Variants in KHDRBS2 observed in about 807,000 individuals in gnomAD.
KHDRBS2 encodes the protein KH domain-containing, RNA-binding, signal transduction-associated protein 2.
In KHDRBS2, 26 loss-of-function variants were observed where a neutral mutation model predicts 44.3. The observed-to-expected ratio is 0.59, with a 90% confidence interval of 0.43 to 0.81. The LOEUF (loss-of-function observed/expected upper bound fraction) is 0.81, where lower values mean the gene tolerates loss of function less well. Among genes scored for constraint, KHDRBS2 ranks in the 40% least tolerant of loss-of-function variants. The probability of loss-of-function intolerance (pLI) is 0.00; values close to 1 mark genes in which losing one functional copy is unlikely to be tolerated. For missense variants in KHDRBS2, 476 were observed against 433.1 expected, an observed-to-expected ratio of 1.10 and a Z score of -0.88; for synonymous variants, 194 against 151.1, an observed-to-expected ratio of 1.28 and a Z score of -2.08.
At chr6:61,678,446 T>G (rs558778168), downstream of KHDRBS2, among the ~76,000 whole-genome samples, 63 of 152,094 alleles carry the variant, frequency 4.1e-4, no homozygotes, top group African/African-American at 1.4e-3. Context: ...TAATGTTTAG[T>G]TATTTTATTT....
At chr6:61,978,595 A>T (rs765040694) in intron 3 of KHDRBS2, among the ~76,000 whole-genome samples, 3 of 152,100 alleles carry the variant, frequency 2.0e-5, no homozygotes, top group Non-Finnish European at 4.4e-5. Context: ...TAAGTGAAAG[A>T]TTATCACTGT....
At chr6:62,121,693 G>C (rs996121664) in intron 2 of KHDRBS2, among the ~76,000 whole-genome samples, 3 of 152,142 alleles carry the variant, frequency 2.0e-5, no homozygotes, top group African/African-American at 7.2e-5. Flanking sequence ...TGTTTGCAGA[G>C]ATCTTGATCA....
chr6:62,265,915 T>G (rs1839130623), intron 1 of KHDRBS2, among the ~76,000 whole-genome samples: 1 of 152,088 alleles, frequency 6.6e-6, no homozygotes, highest in Admixed American at 6.6e-5. Flanking sequence ...AAGTGGTGAT[T>G]TGTAATATGG....
intron 4 of KHDRBS2, among the ~76,000 whole-genome samples, chr6:61,902,003 T>A (rs560574646): frequency 2.5e-4 from 38 of 152,318 alleles, no homozygotes; most frequent in Admixed American, 1.8e-3. Flanking sequence ...TCGCCCACGC[T>A]GGAGTACAGT....
At chr6:61,907,639 C>G (rs577784928) in intron 4 of KHDRBS2, among the ~76,000 whole-genome samples, 1 of 152,098 alleles carries the variant, frequency 6.6e-6, no homozygotes, top group South Asian at 2.1e-4. Flanking sequence ...ATCCAGTTTT[C>G]CCAGCAACAT....
At chr6:61,556,003 C>G in the KHDRBS2 span, among the ~76,000 whole-genome samples, 282 of 152,282 alleles carry the variant, frequency 1.9e-3, 1 homozygote, top group African/African-American at 6.0e-3. Context: ...TTTGCACATG[C>G]CAGCTGCAGT....
chr6:62,063,605 A>T (rs1792669393), intron 2 of KHDRBS2, among the ~76,000 whole-genome samples: 1 of 151,488 alleles, frequency 6.6e-6, no homozygotes, highest in Non-Finnish European at 1.5e-5. Context: ...ACTCTCAATA[A>T]ATTAGGTATT....
At chr6:62,050,758 A>T (rs571132100) in intron 2 of KHDRBS2, among the ~76,000 whole-genome samples, 1 of 152,154 alleles carries the variant, frequency 6.6e-6, no homozygotes, top group African/African-American at 2.4e-5. Context: ...TTAAACTTAC[A>T]GTTCCACTAT....
rs1344616758 is a variant in KHDRBS2, at chr6:61,954,786, A to G, written c.483+23280T>C. Among the ~76,000 whole-genome samples the G allele has an allele frequency of 1.8e-5, 2 of 112,634 alleles. 1 individual carries two copies. The highest frequency in any genetic ancestry group is 3.8e-5 in the Non-Finnish European group (2 of 52,802). The allele number at this position is 112,634 out of a possible 152,430, so 73.9% of individuals were successfully genotyped here. On this transcript the variant is annotated intron_variant, in intron 4 of 8. Transcript: ENST00000281156. ...TATGTATACATACATATGTGTATAT[A>G]CACATGCATATGTATGTATACATAC...
At chr6:61,558,392 T>C in the KHDRBS2 span, among the ~76,000 whole-genome samples, 1 of 151,830 alleles carries the variant, frequency 6.6e-6, no homozygotes, top group Non-Finnish European at 1.5e-5. Context: ...CAAAACCCTG[T>C]CTCTAAAAAC....
chr6:61,950,917 C>T (rs1442198175), intron 4 of KHDRBS2, among the ~76,000 whole-genome samples: 3 of 151,838 alleles, frequency 2.0e-5, no homozygotes, highest in Non-Finnish European at 2.9e-5. Flanking sequence ...AATGTATGTA[C>T]AAATTTGGGA....
At chr6:61,984,989 G>A (rs1774757449) in intron 3 of KHDRBS2, among the ~76,000 whole-genome samples, 1 of 152,112 alleles carries the variant, frequency 6.6e-6, no homozygotes, top group Admixed American at 6.6e-5. Context: ...AGACTATTGT[G>A]GTGCTCATAA....
chr6:62,055,613 T>C (rs1036927525), intron 2 of KHDRBS2, among the ~76,000 whole-genome samples: 1 of 152,034 alleles, frequency 6.6e-6, no homozygotes, highest in African/African-American at 2.4e-5. Flanking sequence ...GAGTATTCAG[T>C]CTCAATCCTT....
chr6:61,926,029 T>A (rs73489425), intron 4 of KHDRBS2, among the ~76,000 whole-genome samples: 1,578 of 152,232 alleles, frequency 0.01, 28 homozygotes, highest in African/African-American at 0.036. Flanking sequence ...GTCTATCAAG[T>A]AGTATAATTA....
intron 6 of KHDRBS2, among the ~76,000 whole-genome samples, chr6:61,782,689 G>GTGTATATATATA (rs1189465280): frequency 9.0e-6 from 1 of 111,122 alleles, no homozygotes; most frequent in African/African-American, 3.0e-5. Flanking sequence ...TAAAGGTTGT[G>GTGTATATATATA]TATATATATA....
At chr6:61,570,916 G>T in the KHDRBS2 span, among the ~76,000 whole-genome samples, 4 of 152,078 alleles carry the variant, frequency 2.6e-5, no homozygotes, top group Non-Finnish European at 5.9e-5. Context: ...GGTAACAGGA[G>T]TTCTATATCT....
intron 2 of KHDRBS2, among the ~76,000 whole-genome samples, chr6:62,051,322 ACAT>A (rs1373103295): frequency 1.3e-5 from 2 of 152,208 alleles, no homozygotes; most frequent in South Asian, 2.1e-4. Context: ...TTTTGAAATA[ACAT>A]CATAGTTTCT....
intron 1 of KHDRBS2, among the ~76,000 whole-genome samples, chr6:62,247,355 G>A (rs78414899): frequency 1 from 151,769 of 151,770 alleles, 75,884 homozygotes; most frequent in Non-Finnish European, 1. Context: ...CCATTGCTCC[G>A]CATTACTAGT....
intron 3 of KHDRBS2, among the ~76,000 whole-genome samples, chr6:62,028,948 A>G (rs1314380615): frequency 6.6e-6 from 1 of 152,008 alleles, no homozygotes; most frequent in Non-Finnish European, 1.5e-5. Context: ...CCTTGAAGTA[A>G]CTTTCTCCAT....
Sources: gnomAD v4.1 joint callset for allele counts (sites outside exome capture counted in the v4.1 genomes callset) on GRCh38, gnomAD v4.1.1 for gene constraint, MANE v1.5 for transcripts, NCBI Gene and HGNC (gene_info 2026-07-23, HGNC 2026-07-21) for gene names.